PIK3CB: variants seen among roughly 807,000 people sequenced by gnomAD.
PIK3CB encodes the protein phosphatidylinositol 4,5-bisphosphate 3-kinase catalytic subunit beta isoform.
PIK3CB carries 39 observed loss-of-function variants against 136.8 expected under a neutral mutation model. The ratio of observed to expected loss-of-function variants is 0.29; its 90% CI spans 0.22 to 0.37. The LOEUF is 0.37. Among genes scored for constraint, PIK3CB ranks in the 10% least tolerant of loss-of-function variants. PIK3CB has a pLI of 1.00. For synonymous variants in PIK3CB, 428 were observed against 436.6 expected, an observed-to-expected ratio of 0.98 and a Z score of 0.25; for missense variants, 868 against 1,275.4, an observed-to-expected ratio of 0.68 and a Z score of 4.87.
At chr3:138,656,367 T>C (rs908630408) in intron 22 of PIK3CB, 93 bp from the exon 23 acceptor site, 6 of 1,333,470 alleles carry the variant, frequency 4.5e-6, no homozygotes, top group African/African-American at 2.9e-5. Context: ...CTAGACTTTC[T>C]ATTAGAATAA....
At position 138,723,216 on chromosome 3, in the gene PIK3CB, A is replaced by G. The variant is rs183347018; in HGVS notation, c.1051-8497T>C. 6.5e-4 allele frequency among the ~76,000 whole-genome samples: 99 copies of G among 152,320 alleles called. 1 individual carries two copies. The highest frequency in any genetic ancestry group is 6.2e-3 in the Admixed American group (95 of 15,298). The stretch of plus-strand genomic sequence containing the variant: ...CTGAAGTTTGATCTGGGTTATCTTC[A>G]ATCTTGAGAAGTAAAGCATTTTAAA... On this transcript the variant is annotated intron_variant, in intron 8 of 23. Coordinates refer to ENST00000674063, the MANE Select transcript of PIK3CB (RefSeq NM_006219.3).
intron 8 of PIK3CB, among the ~76,000 whole-genome samples, chr3:138,723,089 AAG>A (rs201249683): frequency 0.014 from 2,074 of 152,222 alleles, 15 homozygotes; most frequent in Non-Finnish European, 0.02. Context: ...ATAAAAAGAA[AAG>A]AAGCATAAAA....
intron 2 of PIK3CB, among the ~76,000 whole-genome samples, chr3:138,763,385 C>T (rs1206049528): frequency 6.6e-6 from 1 of 152,154 alleles, no homozygotes; most frequent in Non-Finnish European, 1.5e-5. Flanking sequence ...GATCCACCCG[C>T]CTCGGCCTCC....
At chr3:138,805,753 G>A (rs2046227153) in intron 1 of PIK3CB, among the ~76,000 whole-genome samples, 1 of 151,510 alleles carries the variant, frequency 6.6e-6, no homozygotes, top group Non-Finnish European at 1.5e-5. Context: ...TGTTTTTTGA[G>A]AGAGTCTCGC....
chr3:138,804,758 C>T (rs2046212389), intron 1 of PIK3CB, among the ~76,000 whole-genome samples: 2 of 152,076 alleles, frequency 1.3e-5, no homozygotes, highest in Admixed American at 1.3e-4. Flanking sequence ...GGAACGGTGG[C>T]TCACACCTGT....
chr3:138,786,856 A>G (rs2045986730), intron 2 of PIK3CB, among the ~76,000 whole-genome samples: 1 of 152,212 alleles, frequency 6.6e-6, no homozygotes, highest in Non-Finnish European at 1.5e-5. Context: ...CAAAAGGCTA[A>G]GTGAAATGCT....
At chr3:138,697,788 G>A (rs2044169634) in intron 13 of PIK3CB, among the ~76,000 whole-genome samples, 1 of 151,954 alleles carries the variant, frequency 6.6e-6, no homozygotes, top group African/African-American at 2.4e-5. Context: ...CCAGGGTAGA[G>A]TGCAATGGCA....
chr3:138,748,113 T>C (rs1168648004), intron 4 of PIK3CB, among the ~76,000 whole-genome samples: 2 of 151,646 alleles, frequency 1.3e-5, no homozygotes, highest in East Asian at 1.9e-4. Flanking sequence ...TACATTAATA[T>C]GAACTTTTTG....
intron 19 of PIK3CB, among the ~76,000 whole-genome samples, chr3:138,670,413 T>C (rs1035986688): frequency 2.0e-5 from 3 of 152,228 alleles, no homozygotes; most frequent in African/African-American, 7.2e-5. Flanking sequence ...TTTCCCTCCT[T>C]TTTTGTGGGA....
intron 8 of PIK3CB, among the ~76,000 whole-genome samples, chr3:138,731,874 T>C (rs369385503): frequency 6.6e-6 from 1 of 151,266 alleles, no homozygotes; most frequent in East Asian, 2.0e-4. Context: ...TCCCAGTTAC[T>C]GGGGAGGCTA....
intron 21 of PIK3CB, among the ~76,000 whole-genome samples, chr3:138,659,212 T>G (rs1315748644): frequency 6.6e-6 from 1 of 152,242 alleles, no homozygotes; most frequent in Non-Finnish European, 1.5e-5. Flanking sequence ...AAATGTCCCC[T>G]GAGTGAAAAA....
chr3:138,778,106 T>C (rs361068), intron 2 of PIK3CB: 197,462 of 361,212 alleles, frequency 0.55, 58,554 homozygotes, highest in East Asian at 0.99. Context: ...CACAATTACA[T>C]TGTGGAGACC....
intron 2 of PIK3CB, among the ~76,000 whole-genome samples, chr3:138,784,949 G>T (rs181321645): frequency 6.6e-6 from 1 of 150,950 alleles, no homozygotes; most frequent in Non-Finnish European, 1.5e-5. Context: ...GGTGAGGAGC[G>T]TCTCTGCCCG....
At chr3:138,701,337 T>C (rs1024471109) in intron 12 of PIK3CB, among the ~76,000 whole-genome samples, 7 of 152,072 alleles carry the variant, frequency 4.6e-5, no homozygotes, top group African/African-American at 9.7e-5. Context: ...CCAAGACTTA[T>C]AAAGCACATG....
chr3:138,746,012 C>T (rs1472262022), intron 4 of PIK3CB, among the ~76,000 whole-genome samples: 2 of 152,000 alleles, frequency 1.3e-5, no homozygotes, highest in African/African-American at 4.8e-5. Context: ...TTTGGGAGGC[C>T]GAGGTGGGAG....
chr3:138,715,381 G>C (rs1190392024), intron 8 of PIK3CB, among the ~76,000 whole-genome samples: 1 of 152,164 alleles, frequency 6.6e-6, no homozygotes, highest in Non-Finnish European at 1.5e-5. Flanking sequence ...TTAAAACTCA[G>C]GGAGAAAGTA....
Position 138,656,287 on chromosome 3 carries a change from C to T in PIK3CB, c.2943-13G>A, listed in dbSNP as rs2108386358. 1 of 1,613,928 alleles carries T rather than the reference C, an allele frequency of 6.2e-7. No homozygotes were observed. Among genetic ancestry groups the T allele is most frequent in the Non-Finnish European group, 8.5e-7 (1 of 1,179,910 alleles). On this transcript the variant is annotated splice_polypyrimidine_tract_variant and intron_variant, in intron 22 of 23. Transcript: ENST00000674063. Reference sequence around the variant, plus strand: ...ACACTGGCGGAACCTTTGGGTGATGCAGCAAACCACATGAGCACAGTGTTA... The same window carrying T: ...ACACTGGCGGAACCTTTGGGTGATGTAGCAAACCACATGAGCACAGTGTTA...
chr3:138,780,008 A>AG (rs1376988693), intron 2 of PIK3CB, among the ~76,000 whole-genome samples: 3 of 151,894 alleles, frequency 2.0e-5, no homozygotes, highest in African/African-American at 7.3e-5. Context: ...CCCAGGCTGG[A>AG]GTGCAGTGGC....
At chr3:138,664,539 A>T (rs894310935) in intron 20 of PIK3CB, among the ~76,000 whole-genome samples, 1 of 152,332 alleles carries the variant, frequency 6.6e-6, no homozygotes, top group East Asian at 1.9e-4. Flanking sequence ...TTCTCGATAA[A>T]ATGTGTCTGA....
Sources: gnomAD v4.1 joint callset for allele counts (sites outside exome capture counted in the v4.1 genomes callset) on GRCh38, gnomAD v4.1.1 for gene constraint, MANE v1.5 for transcripts, NCBI Gene and HGNC (gene_info 2026-07-23, HGNC 2026-07-21) for gene names.